The following FBXL17 variants were observed in gnomAD, a reference collection of about 807,000 sequenced individuals.
FBXL17 encodes the protein F-box and leucine rich repeat protein 17.
FBXL17 carries 22 observed loss-of-function variants against 66.2 expected under a neutral mutation model. The ratio of observed to expected loss-of-function variants is 0.33; its 90% CI spans 0.24 to 0.47. The LOEUF is 0.47. FBXL17 is among the 20% of genes least tolerant of loss of function. The pLI, the probability that FBXL17 is intolerant of heterozygous loss-of-function variation, is 1.00. For synonymous variants in FBXL17, 474 were observed against 400.5 expected (o/e 1.18, Z -2.19); for missense variants, 878 against 948.2 (o/e 0.93, Z 0.97).
intron 4 of FBXL17, among the ~76,000 whole-genome samples, chr5:108,251,294 A>G (rs1756339620): frequency 6.6e-6 from 1 of 152,014 alleles, no homozygotes; most frequent in Non-Finnish European, 1.5e-5. Flanking sequence ...AAATACCTCA[A>G]TGAGGTTTTT....
At chr5:107,983,278 A>G (rs947522812) in intron 7 of FBXL17, among the ~76,000 whole-genome samples, 3 of 152,004 alleles carry the variant, frequency 2.0e-5, no homozygotes, top group African/African-American at 7.2e-5. Flanking sequence ...TGCAGCCTCA[A>G]TCTCCCAAGC....
intron 7 of FBXL17, among the ~76,000 whole-genome samples, chr5:107,991,015 G>C (rs1753219284): frequency 6.8e-6 from 1 of 147,166 alleles, no homozygotes; most frequent in Non-Finnish European, 1.5e-5. Context: ...TTTGAAAAGG[G>C]CTAGTTACAG....
At chr5:108,202,926 G>A (rs913331843) in intron 5 of FBXL17, among the ~76,000 whole-genome samples, 16 of 151,954 alleles carry the variant, frequency 1.1e-4, no homozygotes, top group African/African-American at 2.7e-4. Context: ...TACACAGTGC[G>A]TTTAACTTAA....
intron 6 of FBXL17, among the ~76,000 whole-genome samples, chr5:108,093,637 C>G (rs1448805615): frequency 6.6e-6 from 1 of 152,030 alleles, no homozygotes; most frequent in Non-Finnish European, 1.5e-5. Flanking sequence ...TTCAAGTTCA[C>G]AATTCTACAC....
intron 5 of FBXL17, among the ~76,000 whole-genome samples, chr5:108,197,627 C>T (rs1753731997): frequency 6.6e-6 from 1 of 152,162 alleles, no homozygotes. Context: ...GCCTCTTGAT[C>T]TTGTACTGTC....
At chr5:107,994,621 T>C (rs931538267) in intron 7 of FBXL17, among the ~76,000 whole-genome samples, 3 of 152,056 alleles carry the variant, frequency 2.0e-5, no homozygotes, top group Non-Finnish European at 4.4e-5. Context: ...GGGTGGATTA[T>C]GAGGTCAGGA....
At chr5:108,340,446 T>C (rs1746806196) in intron 4 of FBXL17, among the ~76,000 whole-genome samples, 1 of 151,660 alleles carries the variant, frequency 6.6e-6, no homozygotes, top group African/African-American at 2.4e-5. Flanking sequence ...AAATACCACT[T>C]AAACAAAATA....
At chr5:107,969,242 T>C (rs1176063222) in intron 7 of FBXL17, among the ~76,000 whole-genome samples, 1 of 152,116 alleles carries the variant, frequency 6.6e-6, no homozygotes, top group Non-Finnish European at 1.5e-5. Context: ...ATAAATAGCT[T>C]TCCATACCGC....
chr5:108,121,341 G>T lies in FBXL17; in HGVS notation c.1745+64776C>A, dbSNP rs1034818449. Reference sequence around the variant, plus strand: ...GACTCCATCTCAAAAAAAAAAGAAAGAAAATCTTGTTAATGTTTTTTGGCA... The same window carrying T: ...GACTCCATCTCAAAAAAAAAAGAAATAAAATCTTGTTAATGTTTTTTGGCA... On this transcript the variant is annotated intron_variant, in intron 6 of 8. Coordinates refer to ENST00000542267, the MANE Select transcript of FBXL17 (RefSeq NM_001163315.3). Among the ~76,000 whole-genome samples, 6 of 151,894 alleles carry T rather than the reference G, an allele frequency of 4.0e-5. No homozygotes were observed. The South Asian group carries it at 1.0e-3, about 26-fold the overall frequency.
At position 108,207,716 on chromosome 5, in the gene FBXL17, A is replaced by G. The variant is rs1175862784; in HGVS notation, c.1614+16405T>C. ...ATGTGCCACATTTTCTTTATCCAGT[A>G]TATTATTGATGGACATTTGGGTTGG... On this transcript the variant is annotated intron_variant, in intron 5 of 8. Transcript: ENST00000542267. Among the ~76,000 whole-genome samples the G allele has an allele frequency of 2.0e-5, 3 of 152,096 alleles. No homozygotes were observed. The East Asian group carries it at 5.8e-4, about 29-fold the overall frequency.
intron 6 of FBXL17, among the ~76,000 whole-genome samples, chr5:108,094,138 CA>C (rs938733709): frequency 6.6e-6 from 1 of 152,128 alleles, no homozygotes; most frequent in African/African-American, 2.4e-5. Flanking sequence ...TACTGGAACA[CA>C]GGCACAAAAC....
chr5:108,067,599 T>G (rs765954066), intron 6 of FBXL17, among the ~76,000 whole-genome samples: 2 of 152,184 alleles, frequency 1.3e-5, no homozygotes, highest in African/African-American at 2.4e-5. Context: ...TCGTTTGTGT[T>G]TGTACATTTT....
chr5:107,929,177 G>C (rs531745562), intron 7 of FBXL17, among the ~76,000 whole-genome samples: 11 of 152,240 alleles, frequency 7.2e-5, no homozygotes, highest in African/African-American at 2.6e-4. Context: ...ACACAGTAGG[G>C]AAAGTCTTCA....
At chr5:107,871,069 A>AACAAAAAAAAC (rs1554080839) in intron 8 of FBXL17, among the ~76,000 whole-genome samples, 3 of 130,236 alleles carry the variant, frequency 2.3e-5, no homozygotes, top group African/African-American at 9.6e-5. Flanking sequence ...AAAAAAAAAA[A>AACAAAAAAAAC]AAAAAAAAAA....
At chr5:107,912,866 T>C (rs1749998791) in intron 7 of FBXL17, among the ~76,000 whole-genome samples, 1 of 152,130 alleles carries the variant, frequency 6.6e-6, no homozygotes, top group East Asian at 1.9e-4. Flanking sequence ...GTTCAAATTT[T>C]AGCTCTGCCA....
chr5:108,098,648 G>A (rs559760223), intron 6 of FBXL17, among the ~76,000 whole-genome samples: 36 of 151,650 alleles, frequency 2.4e-4, no homozygotes, highest in African/African-American at 5.3e-4. Flanking sequence ...GGGAGGCTGA[G>A]GCAGGAAAAT....
At chr5:108,292,500 G>T (rs1188521351) in intron 4 of FBXL17, among the ~76,000 whole-genome samples, 1 of 151,954 alleles carries the variant, frequency 6.6e-6, no homozygotes, top group Non-Finnish European at 1.5e-5. Flanking sequence ...CTCTCTAAAT[G>T]TCCACCAGAA....
At chr5:108,059,352 T>C (rs555590510) in intron 6 of FBXL17, among the ~76,000 whole-genome samples, 12 of 152,286 alleles carry the variant, frequency 7.9e-5, no homozygotes, top group African/African-American at 2.4e-4. Flanking sequence ...GGAGTTATCA[T>C]CTCTTTCCAT....
chr5:108,302,537 TACAA>T (rs1203541200), intron 4 of FBXL17, among the ~76,000 whole-genome samples: 3 of 151,926 alleles, frequency 2.0e-5, no homozygotes, highest in South Asian at 2.1e-4. Context: ...GACATAATTC[TACAA>T]ACAAAGACTG....
Sources: gnomAD v4.1 joint callset for allele counts (sites outside exome capture counted in the v4.1 genomes callset) on GRCh38, gnomAD v4.1.1 for gene constraint, MANE v1.5 for transcripts, NCBI Gene and HGNC (gene_info 2026-07-23, HGNC 2026-07-21) for gene names.